Variants in TENM1 observed in about 807,000 individuals in gnomAD.
TENM1 encodes teneurin transmembrane protein 1.
Under a neutral mutation model 174.8 loss-of-function variants are expected in TENM1, and 35 were observed. That is an observed-to-expected ratio of 0.20 (90% CI 0.15 to 0.27). The LOEUF is 0.27. Ranked by LOEUF, TENM1 falls within the 10% of genes least tolerant of loss-of-function variation. TENM1 has a pLI of 1.00. For synonymous variants in TENM1, 781 were observed against 798.7 expected, an observed-to-expected ratio of 0.98 and a Z score of 0.37; for missense variants, 1,633 against 2,130.1, an observed-to-expected ratio of 0.77 and a Z score of 4.59.
intron 15 of TENM1, among the ~76,000 whole-genome samples, chrX:124,544,663 T>C (rs970751274): frequency 8.9e-6 from 1 of 112,110 alleles, no homozygotes; most frequent in Admixed American, 9.5e-5. Flanking sequence ...TTTCTAAGTT[T>C]CTTGTGTTGA....
the TENM1 span, among the ~76,000 whole-genome samples, chrX:124,988,312 T>C: frequency 8.9e-6 from 1 of 111,959 alleles, no homozygotes; most frequent in African/African-American, 3.2e-5. Flanking sequence ...TAGCAATAAA[T>C]TCAACATCAT....
chrX:124,592,747 G>A (rs2049787715), intron 11 of TENM1, among the ~76,000 whole-genome samples: 2 of 103,796 alleles, frequency 1.9e-5, no homozygotes, highest in South Asian at 9.4e-4. Flanking sequence ...ACCATGCCCA[G>A]GCCTTACTGT....
the TENM1 span, among the ~76,000 whole-genome samples, chrX:125,025,288 C>T: frequency 5.4e-5 from 6 of 110,465 alleles, no homozygotes; most frequent in East Asian, 1.7e-3. Context: ...TGCGGTTTGG[C>T]TGGGAAGTGA....
At chrX:124,869,011 C>A (rs924278243) in intron 3 of TENM1, among the ~76,000 whole-genome samples, 3 of 104,079 alleles carry the variant, frequency 2.9e-5, no homozygotes, top group Non-Finnish European at 5.9e-5. Flanking sequence ...GATCACTTGA[C>A]GTCAGGAGCT....
intron 1 of TENM1, among the ~76,000 whole-genome samples, chrX:124,900,302 G>T (rs186224042): frequency 4.8e-4 from 54 of 111,597 alleles, no homozygotes; most frequent in African/African-American, 1.6e-3. Context: ...ATCTACATAT[G>T]GTATGCTTCC....
chrX:125,056,983 C>CA, the TENM1 span, among the ~76,000 whole-genome samples: 131 of 109,182 alleles, frequency 1.2e-3, 1 homozygote, highest in South Asian at 0.021. Context: ...TTCAAACAAA[C>CA]AAAAAAAAAT....
At chrX:124,506,435 G>A (rs2047449539) in intron 18 of TENM1, among the ~76,000 whole-genome samples, 1 of 109,577 alleles carries the variant, frequency 9.1e-6, no homozygotes, top group Non-Finnish European at 1.9e-5. Context: ...ACAAAAAAGT[G>A]CATTGGCTGC....
intron 10 of TENM1, among the ~76,000 whole-genome samples, chrX:124,643,003 T>A (rs898442184): frequency 8.9e-6 from 1 of 111,744 alleles, no homozygotes; most frequent in African/African-American, 3.3e-5. Flanking sequence ...TAAGCACTAT[T>A]ATAATTGGTG....
At chrX:124,644,974 A>AT (rs1302046535) in intron 10 of TENM1, among the ~76,000 whole-genome samples, 169 bp downstream of exon 13, 2 of 111,577 alleles carry the variant, frequency 1.8e-5, no homozygotes, top group Non-Finnish European at 3.8e-5. Context: ...AGAATCTGTC[A>AT]GAAGAGACAA....
At chrX:124,521,586 A>T (rs1000975074) in intron 17 of TENM1, among the ~76,000 whole-genome samples, 6 of 112,251 alleles carry the variant, frequency 5.3e-5, no homozygotes, top group African/African-American at 1.9e-4. Flanking sequence ...GCTTATCACC[A>T]CAGATAAAGT....
chrX:125,181,997 A>G, the TENM1 span, among the ~76,000 whole-genome samples: 2 of 111,692 alleles, frequency 1.8e-5, no homozygotes, highest in African/African-American at 6.5e-5. Flanking sequence ...CACAAAATTG[A>G]CAGCATAAAA....
intron 22 of TENM1, among the ~76,000 whole-genome samples, chrX:124,462,431 T>TGGG (rs1217120404): frequency 3.3e-4 from 3 of 9,034 alleles, no homozygotes; most frequent in African/African-American, 4.8e-4. Flanking sequence ...TGTGTGTGTG[T>TGGG]GGGGGGGGTG....
chrX:124,666,643 C>T (rs1406232115), intron 6 of TENM1, among the ~76,000 whole-genome samples: 3 of 111,651 alleles, frequency 2.7e-5, no homozygotes, highest in African/African-American at 6.5e-5. Context: ...AAAGACCAAA[C>T]ACAGACTTTT....
chrX:124,869,725 A>G (rs62604299), intron 3 of TENM1, among the ~76,000 whole-genome samples: 1,476 of 110,764 alleles, frequency 0.013, 11 homozygotes, highest in Non-Finnish European at 0.022. Context: ...CCAGTCACAG[A>G]AAGACAAGCA....
At chrX:124,894,443 T>A in intron 2 of TENM1, 91 bp from the exon 6 acceptor site, 2 of 615,926 alleles carry the variant, frequency 3.2e-6, no homozygotes, top group Non-Finnish European at 5.1e-6. Flanking sequence ...TAGTGGTGCT[T>A]AAAAAAAACC....
the TENM1 span, among the ~76,000 whole-genome samples, chrX:125,074,191 T>A: frequency 3.6e-5 from 4 of 111,372 alleles, no homozygotes; most frequent in Admixed American, 9.6e-5. Context: ...GACAGTTTAG[T>A]CAGTTCTCAC....
At chrX:124,590,081 G>T (rs1444391433) in intron 11 of TENM1, among the ~76,000 whole-genome samples, 1 of 111,689 alleles carries the variant, frequency 9.0e-6, no homozygotes, top group Non-Finnish European at 1.9e-5. Context: ...AGCTTTTGCT[G>T]CATCTTAGAG....
intron 3 of TENM1, among the ~76,000 whole-genome samples, chrX:124,875,524 A>G (rs1190022731): frequency 9.2e-6 from 1 of 109,022 alleles, no homozygotes; most frequent in African/African-American, 3.3e-5. Context: ...TTGCTACTTC[A>G]TAAGTTTAAA....
At chrX:124,891,605 G>A (rs1313330240) in intron 3 of TENM1, among the ~76,000 whole-genome samples, 1 of 107,856 alleles carries the variant, frequency 9.3e-6, no homozygotes, top group African/African-American at 3.4e-5. Flanking sequence ...GTTGCAGTGA[G>A]CCACGATCGC....
Sources: allele counts gnomAD v4.1 joint callset (sites outside exome capture counted in the v4.1 genomes callset), GRCh38; gene constraint gnomAD v4.1.1; transcripts MANE v1.5; gene names NCBI Gene and HGNC (gene_info 2026-07-23, HGNC 2026-07-21).